Variants in PDZRN3 observed in about 807,000 individuals in gnomAD.
PDZRN3 encodes the protein PDZ domain containing ring finger 3.
Under a neutral mutation model 85.7 loss-of-function variants are expected in PDZRN3, and 38 were observed. That is an observed-to-expected ratio of 0.44 (90% CI 0.34 to 0.58). The LOEUF is 0.58. Ranked by LOEUF, PDZRN3 falls within the 20% of genes least tolerant of loss-of-function variation. The probability of loss-of-function intolerance (pLI) is 0.01; values close to 1 mark genes in which losing one functional copy is unlikely to be tolerated. For synonymous variants in PDZRN3, 759 were observed against 638.0 expected (o/e 1.19, Z -2.86); for missense variants, 1,629 against 1,506.4 (o/e 1.08, Z -1.35).
At chr3:73,390,968 C>A (rs201518131) in intron 6 of PDZRN3, 50 bp downstream of exon 6, 25 of 1,099,246 alleles carry the variant, frequency 2.3e-5, no homozygotes, top group Middle Eastern at 2.1e-4. Context: ...AAAAAAAAAA[C>A]CCTTTTGGTC....
chr3:73,488,076 A>AGT (rs10695025), intron 3 of PDZRN3, among the ~76,000 whole-genome samples: 112,756 of 152,018 alleles, frequency 0.74, 43,033 homozygotes, highest in African/African-American at 0.93. Context: ...AAAGGCACAA[A>AGT]GTGTTCTGAG....
chr3:73,609,923 A>T (rs887260118), intron 1 of PDZRN3, among the ~76,000 whole-genome samples: 1 of 152,176 alleles, frequency 6.6e-6, no homozygotes, highest in African/African-American at 2.4e-5. Flanking sequence ...TCAATGTGCA[A>T]CTCTGGTTTC....
At chr3:73,519,499 C>T (rs900337762) in intron 3 of PDZRN3, among the ~76,000 whole-genome samples, 13 of 152,158 alleles carry the variant, frequency 8.5e-5, no homozygotes, top group Admixed American at 8.5e-4. Context: ...AGTTCTTCCA[C>T]AAGGAATGTG....
At chr3:73,403,626 G>A (rs1364465307) in intron 4 of PDZRN3, among the ~76,000 whole-genome samples, 1 of 152,130 alleles carries the variant, frequency 6.6e-6, no homozygotes, top group African/African-American at 2.4e-5. Flanking sequence ...AGAGGTGTGT[G>A]TAAAGAAATC....
intron 3 of PDZRN3, among the ~76,000 whole-genome samples, chr3:73,501,930 C>T (rs1417915112): frequency 2.0e-5 from 3 of 152,164 alleles, no homozygotes; most frequent in Admixed American, 6.5e-5. Context: ...GCAGGAGAAT[C>T]GCTTGAACCT....
At chr3:73,582,749 C>T (rs931989872) in intron 3 of PDZRN3, among the ~76,000 whole-genome samples, 13 of 151,982 alleles carry the variant, frequency 8.6e-5, no homozygotes, top group East Asian at 3.9e-4. Context: ...GCACTTACCC[C>T]GCGTCTCAGT....
chr3:73,439,230 T>C (rs1001358919), intron 3 of PDZRN3, among the ~76,000 whole-genome samples: 3 of 152,238 alleles, frequency 2.0e-5, no homozygotes, highest in African/African-American at 7.2e-5. Context: ...CAGCATCAGA[T>C]ACATACTGAG....
rs985869552 is a variant in PDZRN3, at chr3:73,413,236, C to T, written c.919-8841G>A. Among the ~76,000 whole-genome samples the T allele has an allele frequency of 4.6e-5, 7 of 152,278 alleles. No homozygotes were observed. The East Asian group carries it at 1.4e-3, about 29-fold the overall frequency. On this transcript the variant is annotated intron_variant, in intron 3 of 9. Coordinates refer to ENST00000263666, the MANE Select transcript of PDZRN3 (RefSeq NM_015009.3). Reference sequence around the variant, plus strand: ...TGGCTCATAGCACACTCAGTAAACGCTATCTTTTTCGGGAAATACTAGCCT... The same window carrying T: ...TGGCTCATAGCACACTCAGTAAACGTTATCTTTTTCGGGAAATACTAGCCT...
chr3:73,396,462 A>C (rs11712476), intron 5 of PDZRN3, among the ~76,000 whole-genome samples: 92,949 of 151,960 alleles, frequency 0.61, 29,172 homozygotes, highest in East Asian at 0.86. Context: ...GCTGACCAGG[A>C]AAGGTTCCCT....
intron 3 of PDZRN3, among the ~76,000 whole-genome samples, chr3:73,542,894 G>C (rs184891582): frequency 1.1e-4 from 16 of 152,126 alleles, no homozygotes; most frequent in African/African-American, 3.6e-4. Flanking sequence ...CATCAAATTT[G>C]GTACTTCAGG....
chr3:73,447,563 T>C (rs936705499), intron 3 of PDZRN3, among the ~76,000 whole-genome samples: 1 of 152,182 alleles, frequency 6.6e-6, no homozygotes, highest in Non-Finnish European at 1.5e-5. Flanking sequence ...CACACTACTA[T>C]AGCTGTCCCA....
chr3:73,448,011 C>T (rs892247119), intron 3 of PDZRN3, among the ~76,000 whole-genome samples: 1 of 152,228 alleles, frequency 6.6e-6, no homozygotes, highest in African/African-American at 2.4e-5. Context: ...CTAGCACACA[C>T]ATTTTCTTCT....
chr3:73,431,849 C>CGT (rs762249826), intron 3 of PDZRN3, among the ~76,000 whole-genome samples: 57 of 149,776 alleles, frequency 3.8e-4, no homozygotes, highest in South Asian at 1.1e-3. Flanking sequence ...TGGGGGCAGT[C>CGT]GTGTGTGTGT....
At chr3:73,426,320 A>T (rs1405875224) in intron 3 of PDZRN3, among the ~76,000 whole-genome samples, 1 of 152,076 alleles carries the variant, frequency 6.6e-6, no homozygotes, top group Admixed American at 6.6e-5. Context: ...ACACAAACTG[A>T]ATACTGGTGC....
rs1168854020 is a variant in PDZRN3 at position 73,384,247 on chromosome 3, G to A, written c.2319C>T (p.Ile773=). ...CTCTCCTCAAGGAGTTGTCGGGGGA[G>A]ATCTCCAGGGTGAGCGGGGTGCTGC... ...SCRSTPLTLE[I]SPDNSLRRAA... is the part of the protein sequence containing the mutation. Residue 773 remains isoleucine, a synonymous_variant, in exon 10 of 10, where the codon ATC becomes ATT. Transcript: ENST00000263666. 1 of 1,613,430 alleles carries A rather than the reference G, an allele frequency of 6.2e-7. No individual in the cohort carries two copies. The highest frequency in any genetic ancestry group is 1.1e-5 in the South Asian group (1 of 91,076).
At chr3:73,513,755 T>C (rs1351232239) in intron 3 of PDZRN3, among the ~76,000 whole-genome samples, 1 of 152,220 alleles carries the variant, frequency 6.6e-6, no homozygotes, top group Non-Finnish European at 1.5e-5. Flanking sequence ...TAGACTAAAA[T>C]ATTCTGACCC....
intron 5 of PDZRN3, among the ~76,000 whole-genome samples, chr3:73,392,617 A>C (rs1432523383): frequency 6.6e-6 from 1 of 152,220 alleles, no homozygotes; most frequent in African/African-American, 2.4e-5. Flanking sequence ...GGTCACCAGT[A>C]GTATAATAAT....
chr3:73,391,530 C>T (rs1199458649), intron 5 of PDZRN3, among the ~76,000 whole-genome samples: 2 of 152,098 alleles, frequency 1.3e-5, no homozygotes, highest in Non-Finnish European at 2.9e-5. Flanking sequence ...ATTGCGTTCC[C>T]TTAATATTCA....
chr3:73,539,112 T>C (rs992835501), intron 3 of PDZRN3, among the ~76,000 whole-genome samples: 1 of 152,176 alleles, frequency 6.6e-6, no homozygotes, highest in Non-Finnish European at 1.5e-5. Flanking sequence ...CATTTCTCCA[T>C]GGGTCTGCTT....
Sources: allele counts gnomAD v4.1 joint callset (sites outside exome capture counted in the v4.1 genomes callset), GRCh38; gene constraint gnomAD v4.1.1; transcripts MANE v1.5; gene names NCBI Gene and HGNC (gene_info 2026-07-23, HGNC 2026-07-21).